The following DNAJC15 variants were observed in gnomAD, a reference collection of about 807,000 sequenced individuals.
DNAJC15 encodes the protein DnaJ heat shock protein family (Hsp40) member C15, also known as dnaJ homolog subfamily C member 15.
DNAJC15 carries 27 observed loss-of-function variants against 22.4 expected under a neutral mutation model. The observed-to-expected ratio is 1.20, with a 90% CI of 0.89 to 1.66. DNAJC15 has a LOEUF of 1.66. Among genes scored for constraint, DNAJC15 ranks in the 40% most tolerant of loss-of-function variants. The pLI is 0.00. For missense variants in DNAJC15, 208 were observed against 187.1 expected (o/e 1.11, Z -0.65); for synonymous variants, 79 against 63.2 (o/e 1.25, Z -1.19).
At chr13:43,058,369 G>T in intron 1 of DNAJC15, among the ~76,000 whole-genome samples, 1 of 152,114 alleles carries the variant, frequency 6.6e-6, no homozygotes, top group East Asian at 1.9e-4. Context: ...TTTTGGCTGT[G>T]GGGTGGGTTG....
chr13:43,040,801 A>G (rs77250149), intron 1 of DNAJC15, among the ~76,000 whole-genome samples: 2,420 of 152,262 alleles, frequency 0.016, 67 homozygotes, highest in African/African-American at 0.053. Flanking sequence ...TAAGCACGTG[A>G]ACAAAGGTCT....
At position 43,086,470 on chromosome 13, in the gene DNAJC15, G is replaced by C. The variant is rs568945124; in HGVS notation, c.382+632G>C. On this transcript the variant is annotated intron_variant, in intron 5 of 5. Transcript: ENST00000379221. Reference sequence around the variant, plus strand: ...TGTATTTCAGAAGTCAAAGGGGGGTGGGGGAGGAAAGTGAAGGGTTTCTTG... The same window carrying C: ...TGTATTTCAGAAGTCAAAGGGGGGTCGGGGAGGAAAGTGAAGGGTTTCTTG... Among the ~76,000 whole-genome samples, 13 of 152,170 alleles carry C rather than the reference G, an allele frequency of 8.5e-5. No individual in the cohort carries two copies. The South Asian group carries it at 1.0e-3, about 12-fold the overall frequency.
At chr13:43,024,919 GGT>G (rs1468065504) in intron 1 of DNAJC15, among the ~76,000 whole-genome samples, 3 of 64,242 alleles carry the variant, frequency 4.7e-5, no homozygotes, top group African/African-American at 1.8e-4. Flanking sequence ...AAATTAGCTG[GGT>G]GTGGTGGTGT....
intron 5 of DNAJC15, among the ~76,000 whole-genome samples, chr13:43,102,228 C>T (rs2040772763): frequency 6.6e-6 from 1 of 151,980 alleles, no homozygotes; most frequent in African/African-American, 2.4e-5. Flanking sequence ...TGTGTATCTT[C>T]TTTTGAGAAT....
intron 5 of DNAJC15, among the ~76,000 whole-genome samples, chr13:43,102,261 ACTT>A (rs2040773006): frequency 6.6e-6 from 1 of 151,690 alleles, no homozygotes; most frequent in African/African-American, 2.4e-5. Context: ...TCCTTAGCCC[ACTT>A]TTTGATGGGA....
chr13:43,025,114 T>C (rs2040374892), intron 1 of DNAJC15, among the ~76,000 whole-genome samples: 1 of 152,066 alleles, frequency 6.6e-6, no homozygotes, highest in African/African-American at 2.4e-5. Flanking sequence ...AAGTAACTGG[T>C]CCAGGATCAT....
intron 1 of DNAJC15, among the ~76,000 whole-genome samples, chr13:43,027,321 G>A (rs1267853123): frequency 6.6e-6 from 1 of 152,104 alleles, no homozygotes; most frequent in Admixed American, 6.5e-5. Context: ...TGCCGTGGTG[G>A]TTTGCTGCAC....
At chr13:43,044,168 A>G (rs1320069124) in intron 1 of DNAJC15, among the ~76,000 whole-genome samples, 7 of 152,106 alleles carry the variant, frequency 4.6e-5, no homozygotes, top group African/African-American at 1.7e-4. Flanking sequence ...TTTAAATTCA[A>G]AGAGTTTTCT....
chr13:43,051,648 T>C (rs1242054167), intron 1 of DNAJC15, among the ~76,000 whole-genome samples: 1 of 134,390 alleles, frequency 7.4e-6, no homozygotes, highest in Non-Finnish European at 1.6e-5. Context: ...TGTGTGTGTG[T>C]GTGTGTGTGT....
rs2040814653 is a variant in DNAJC15, at chr13:43,109,548, T to C, written c.*2300T>C. 6.6e-6 allele frequency: 1 copy of C among 152,242 alleles called. No individual in the cohort carries two copies. The highest frequency in any genetic ancestry group is 1.5e-5 in the Non-Finnish European group (1 of 68,044). The allele number at this position is 152,242 out of a possible 1,614,324, so 9.4% of individuals were successfully genotyped here. On this transcript the variant is annotated 3_prime_UTR_variant, in exon 6 of 6. Transcript: ENST00000379221. ...AATTTGAGTCACCCCAGCATTAGCT[T>C]GGAATTTCCTTATTTCCCATTTGCT...
chr13:43,110,387 A>G lies in DNAJC15; in HGVS notation c.*3139A>G, dbSNP rs1372597253. The G allele has an allele frequency of 1.3e-5, 2 of 152,250 alleles. No individual in the cohort carries two copies. Among genetic ancestry groups the G allele is most frequent in the Non-Finnish European group, 2.9e-5 (2 of 68,056 alleles). The allele number at this position is 152,250 out of a possible 1,614,324, so 9.4% of individuals were successfully genotyped here. On this transcript the variant is annotated 3_prime_UTR_variant, in exon 6 of 6. Transcript: ENST00000379221. ...CCTAAGAATTACAGAGCCTGCCTCG[A>G]TTCAAAGGGAGAGGATAGAGAGGAC...
chr13:43,082,282 G>A (rs1238496074), intron 4 of DNAJC15, among the ~76,000 whole-genome samples: 1 of 152,086 alleles, frequency 6.6e-6, no homozygotes, highest in African/African-American at 2.4e-5. Flanking sequence ...TTCTAGGGAG[G>A]TGTTTGAAAT....
intron 5 of DNAJC15, among the ~76,000 whole-genome samples, chr13:43,091,853 T>C (rs1371887016): frequency 6.6e-6 from 1 of 152,188 alleles, no homozygotes; most frequent in African/African-American, 2.4e-5. Flanking sequence ...TAGTTATCTC[T>C]ATAGTATTGA....
rs181477714 is a variant in DNAJC15 at position 43,107,474 on chromosome 13, T to G, written c.*226T>G. On this transcript the variant is annotated 3_prime_UTR_variant, in exon 6 of 6. Transcript: ENST00000379221. The stretch of plus-strand genomic sequence containing the variant: ...AACTGATCTTTTTTCTTATTTTGTT[T>G]GTGACATTCATACATTTTTAAGATT... 1.9e-4 allele frequency: 63 copies of G among 323,884 alleles called. No homozygotes were observed. The highest frequency in any genetic ancestry group is 1.3e-3 in the African/African-American group (61 of 46,226). The allele number at this position is 323,884 out of a possible 1,614,324, so 20.1% of individuals were successfully genotyped here.
Position 43,052,026 on chromosome 13 carries a change from G to T in DNAJC15, c.109-13660G>T, listed in dbSNP as rs56376955. Among the ~76,000 whole-genome samples, 575 of 152,040 alleles carry T rather than the reference G, an allele frequency of 3.8e-3. 3 individuals are homozygous for T. Among genetic ancestry groups the T allele is most frequent in the African/African-American group, 0.013 (553 of 41,452 alleles). ...GTTGCCCAGGCTGGAGTGCAGTGGC[G>T]TGATCTCGGCTCACTGCAACCTCTG... On this transcript the variant is annotated intron_variant, in intron 1 of 5. Transcript: ENST00000379221.
chr13:43,028,591 C>T (rs2040390892), intron 1 of DNAJC15, among the ~76,000 whole-genome samples: 1 of 152,170 alleles, frequency 6.6e-6, no homozygotes, highest in Non-Finnish European at 1.5e-5. Context: ...TAGGATCTTA[C>T]ACAGGACTCT....
chr13:43,062,240 G>A (rs1202692276), intron 1 of DNAJC15, among the ~76,000 whole-genome samples: 1 of 152,186 alleles, frequency 6.6e-6, no homozygotes, highest in Non-Finnish European at 1.5e-5. Context: ...GAGAGTTGTA[G>A]GCATGAAAGA....
chr13:43,030,547 A>G (rs1040875455), intron 1 of DNAJC15, among the ~76,000 whole-genome samples: 1 of 152,218 alleles, frequency 6.6e-6, no homozygotes, highest in African/African-American at 2.4e-5. Flanking sequence ...AATTAAAGAC[A>G]GTTTCTCTAA....
At chr13:43,067,056 TTTTG>T (rs1371055781) in intron 2 of DNAJC15, among the ~76,000 whole-genome samples, 3 of 152,336 alleles carry the variant, frequency 2.0e-5, no homozygotes, top group Middle Eastern at 3.4e-3. Flanking sequence ...AGATTTACTT[TTTTG>T]TTCTAGCATT....
Sources: gnomAD v4.1 joint callset for allele counts (sites outside exome capture counted in the v4.1 genomes callset) on GRCh38, gnomAD v4.1.1 for gene constraint, MANE v1.5 for transcripts, NCBI Gene and HGNC (gene_info 2026-07-23, HGNC 2026-07-21) for gene names.